ASTN2: variants seen among roughly 807,000 people sequenced by gnomAD.
ASTN2 encodes astrotactin 2, also known as astrotactin-2.
A neutral mutation model predicts 139.8 loss-of-function variants in ASTN2; 54 were observed. The ratio of observed to expected loss-of-function variants is 0.39; its 90% CI spans 0.31 to 0.48. ASTN2 has a LOEUF of 0.48. Ranked by LOEUF, ASTN2 falls within the 20% of genes least tolerant of loss-of-function variation. ASTN2 has a pLI of 0.95. For missense variants in ASTN2, 1,565 were observed against 1,725.1 expected (o/e 0.91, Z 1.64); for synonymous variants, 756 against 719.5 (o/e 1.05, Z -0.81).
At chr9:117,205,178 G>A (rs969156074) in intron 3 of ASTN2, among the ~76,000 whole-genome samples, 4 of 152,168 alleles carry the variant, frequency 2.6e-5, no homozygotes, top group African/African-American at 7.2e-5. Flanking sequence ...GATGGACAAG[G>A]GGAATATTCA....
intron 5 of ASTN2, among the ~76,000 whole-genome samples, chr9:117,049,117 G>A (rs1366543221): frequency 3.3e-5 from 5 of 151,832 alleles, no homozygotes; most frequent in South Asian, 2.1e-4. Context: ...ATAGGCATGC[G>A]CCACTGTGCA....
chr9:116,883,737 A>AG lies in ASTN2; in HGVS notation c.1890-20005dup, dbSNP rs1833516595. ...GAAAGTTCTTCCAGGTAGCCCATGA[A>AG]GGTAGGCCTACTTGGATTTGCAGAC... On this transcript the variant is annotated intron_variant, in intron 10 of 22. Transcript: ENST00000313400. Among the ~76,000 whole-genome samples, 3 of 152,218 alleles carry AG rather than the reference A, an allele frequency of 2.0e-5. No individual in the cohort carries two copies. The South Asian group carries it at 6.2e-4, about 31-fold the overall frequency.
chr9:116,756,767 T>TAA (rs1161742958), intron 13 of ASTN2, among the ~76,000 whole-genome samples: 2 of 63,300 alleles, frequency 3.2e-5, no homozygotes, highest in Non-Finnish European at 6.8e-5. Flanking sequence ...ATGCTCCGAA[T>TAA]AAAACACACA....
At chr9:117,259,273 C>G (rs957078599) in intron 2 of ASTN2, among the ~76,000 whole-genome samples, 1 of 152,172 alleles carries the variant, frequency 6.6e-6, no homozygotes, top group African/African-American at 2.4e-5. Context: ...CTCATCCCTG[C>G]TTTCAGTATA....
At chr9:116,820,002 C>T (rs895598565) in intron 12 of ASTN2, among the ~76,000 whole-genome samples, 6 of 152,206 alleles carry the variant, frequency 3.9e-5, no homozygotes, top group African/African-American at 7.2e-5. Flanking sequence ...TTGGTCCCAA[C>T]GTGTTCCCCT....
At chr9:117,086,718 C>G (rs994136891) in intron 5 of ASTN2, among the ~76,000 whole-genome samples, 1 of 152,184 alleles carries the variant, frequency 6.6e-6, no homozygotes, top group East Asian at 1.9e-4. Flanking sequence ...CTTCTCCCGG[C>G]TTTCCCTGTA....
intron 20 of ASTN2, among the ~76,000 whole-genome samples, chr9:116,464,921 A>G (rs1848606216): frequency 6.6e-6 from 1 of 152,216 alleles, no homozygotes; most frequent in African/African-American, 2.4e-5. Flanking sequence ...AAACTTGCAA[A>G]GAAGGTGCCT....
chr9:116,522,818 A>G (rs1850936278), intron 19 of ASTN2, among the ~76,000 whole-genome samples: 1 of 152,160 alleles, frequency 6.6e-6, no homozygotes. Context: ...ATAGCAAGTA[A>G]ACCCTGAGCA....
intron 2 of ASTN2, among the ~76,000 whole-genome samples, chr9:117,257,624 A>G (rs993971517): frequency 3.9e-5 from 6 of 152,216 alleles, no homozygotes; most frequent in African/African-American, 1.4e-4. Context: ...CCAGGACAGC[A>G]GCCACCACAG....
chr9:116,519,084 C>T (rs910837193), intron 19 of ASTN2, among the ~76,000 whole-genome samples: 1 of 151,958 alleles, frequency 6.6e-6, no homozygotes, highest in Non-Finnish European at 1.5e-5. Context: ...ACTGAGAGCA[C>T]AAGACAGGTC....
chr9:117,008,413 A>C (rs1490201232), intron 6 of ASTN2, among the ~76,000 whole-genome samples, 154 bp from the exon 7 acceptor site: 1 of 152,210 alleles, frequency 6.6e-6, no homozygotes, highest in Non-Finnish European at 1.5e-5. Flanking sequence ...ATGGTGTTGC[A>C]AGCCCATAGG....
At chr9:116,840,546 G>A (rs111808863) in intron 11 of ASTN2, among the ~76,000 whole-genome samples, 10 of 79,760 alleles carry the variant, frequency 1.3e-4, no homozygotes, top group African/African-American at 1.5e-4. Context: ...GCGGCTGGCC[G>A]GGTGGGGGGC....
At chr9:116,731,008 C>G (rs1375011463) in intron 14 of ASTN2, among the ~76,000 whole-genome samples, 1 of 151,948 alleles carries the variant, frequency 6.6e-6, no homozygotes, top group Non-Finnish European at 1.5e-5. Flanking sequence ...ATAGTAGCCT[C>G]TCAATAAATG....
chr9:116,850,434 A>G (rs1316999687), intron 11 of ASTN2, among the ~76,000 whole-genome samples: 2 of 152,182 alleles, frequency 1.3e-5, no homozygotes, highest in African/African-American at 2.4e-5. Flanking sequence ...CCCCAGAACC[A>G]GTGCTCTCAA....
chr9:116,664,132 T>C (rs1418495708), intron 16 of ASTN2, among the ~76,000 whole-genome samples: 3 of 152,150 alleles, frequency 2.0e-5, no homozygotes, highest in African/African-American at 7.2e-5. Flanking sequence ...ATCCAAACAG[T>C]GGGGTACTAT....
At chr9:116,997,244 T>C (rs1011244197) in intron 7 of ASTN2, among the ~76,000 whole-genome samples, 3 of 152,196 alleles carry the variant, frequency 2.0e-5, no homozygotes, top group Non-Finnish European at 4.4e-5. Flanking sequence ...GGTGCTTGCT[T>C]TGCAGGCTCC....
chr9:117,402,550 C>T (rs1477340496), intron 1 of ASTN2, among the ~76,000 whole-genome samples: 1 of 152,062 alleles, frequency 6.6e-6, no homozygotes, highest in African/African-American at 2.4e-5. Flanking sequence ...TGATCCCAGA[C>T]AAGAAGGAGA....
chr9:117,394,368 T>TC, intron 1 of ASTN2, among the ~76,000 whole-genome samples: 1 of 152,214 alleles, frequency 6.6e-6, no homozygotes, highest in East Asian at 1.9e-4. Flanking sequence ...TAAAATTAGT[T>TC]CCCCAGTGAT....
rs777451937 is a variant in ASTN2 at position 117,414,659 on chromosome 9, T to TCCCAGC, written c.274_279dup (p.Ala92_Gly93dup). The TCCCAGC allele has an allele frequency of 4.6e-6, 6 of 1,297,114 alleles. No individual in the cohort carries two copies. The highest frequency in any genetic ancestry group is 3.3e-5 in the African/African-American group (2 of 61,482). 80.4% of individuals were successfully genotyped at this position (1,297,114 alleles called of 1,614,324 possible). A position where few individuals can be genotyped will look rare whatever the true frequency, so the allele number is the denominator to read the frequency against. ...GCGGCGGCGGCGGCTCCGGCCCCGG[T>TCCCAGC]CCCAGCCCCGGCCCCGGCGCGGGCG... On this transcript the variant is annotated inframe_insertion, in exon 1 of 23. Coordinates refer to ENST00000313400, the MANE Select transcript of ASTN2 (RefSeq NM_001365068.1). This position sits in a 1 kb window ranked among gnomAD's most constrained non-coding sequence, Gnocchi z 4.2.
Sources: gnomAD v4.1 joint callset for allele counts (sites outside exome capture counted in the v4.1 genomes callset) on GRCh38, gnomAD v4.1.1 for gene constraint, Gnocchi (gnomAD v3.1) non-coding constraint, MANE v1.5 for transcripts, NCBI Gene and HGNC (gene_info 2026-07-23, HGNC 2026-07-21) for gene names.